TMEM14C: variants seen among roughly 807,000 people sequenced by gnomAD.
TMEM14C encodes transmembrane protein 14C.
A neutral mutation model predicts 14.8 loss-of-function variants in TMEM14C; 13 were observed. That is an observed-to-expected ratio of 0.88 (90% CI 0.57 to 1.40). The LOEUF (loss-of-function observed/expected upper bound fraction) is 1.40. Ranked by LOEUF, TMEM14C falls within the 40% of genes most tolerant of loss-of-function variation. The probability of loss-of-function intolerance (pLI) is 0.00; values close to 1 mark genes in which losing one functional copy is unlikely to be tolerated. For missense variants in TMEM14C, 142 were observed against 138.8 expected (o/e 1.02, Z -0.12); for synonymous variants, 57 against 51.3 (o/e 1.11, Z -0.48).
At chr6:10,724,820 C>G in intron 2 of TMEM14C, 141 bp from the exon 3 acceptor site, 3 of 1,335,796 alleles carry the variant, frequency 2.2e-6, no homozygotes, top group Non-Finnish European at 3.2e-6. Flanking sequence ...GTGTGACTCT[C>G]AGAAAGTCAT....
At position 10,725,048 on chromosome 6, in the gene TMEM14C, G is replaced by A; in HGVS notation, c.97+11G>A. 1 of 1,614,120 alleles carries A rather than the reference G, an allele frequency of 6.2e-7. No homozygotes were observed. Among genetic ancestry groups the A allele is most frequent in the Non-Finnish European group, 8.5e-7 (1 of 1,179,986 alleles). ...GCTATGTAAAAGCAGGTAGGGTTTT[G>A]TTGTTACTTAGCCTCTTAACATCTT... On this transcript the variant is annotated intron_variant, in intron 3 of 5. Coordinates refer to ENST00000229563, the MANE Select transcript of TMEM14C (RefSeq NM_016462.4).
In TMEM14C at chr6:10,730,595, A is replaced by C; in HGVS notation, c.288-20A>C. ...TTCTGTCCTTTACCTGACATTTTCT[A>C]TCTTGTTTCTTTTAAACAGTTTGCT... is the stretch of plus-strand genomic sequence containing the variant. On this transcript the variant is annotated intron_variant, in intron 5 of 5. Transcript: ENST00000229563. 6.2e-7 allele frequency: 1 copy of C among 1,610,974 alleles called. No individual in the cohort carries two copies. The highest frequency in any genetic ancestry group is 8.5e-7 in the Non-Finnish European group (1 of 1,178,058).
intron 1 of TMEM14C, among the ~76,000 whole-genome samples, chr6:10,723,549 A>G (rs536320537): frequency 6.6e-6 from 1 of 151,052 alleles, no homozygotes; most frequent in African/African-American, 2.4e-5. Flanking sequence ...ACTGTGGGCA[A>G]GATCCCAAGC....
chr6:10,727,555 G>T (rs1269129466), intron 4 of TMEM14C, among the ~76,000 whole-genome samples: 1 of 152,116 alleles, frequency 6.6e-6, no homozygotes, highest in Non-Finnish European at 1.5e-5. Context: ...GTCCAGGCTG[G>T]TCTGTAACTC....
In TMEM14C at chr6:10,724,601, A is replaced by T; in HGVS notation, c.-13A>T. Reference sequence around the variant, plus strand: ...GCCTGGGGTAGTCTCCTGTCTGGACAGAGAAGAGAAAAATGCAGGACACTG... The same window carrying T: ...GCCTGGGGTAGTCTCCTGTCTGGACTGAGAAGAGAAAAATGCAGGACACTG... On this transcript the variant is annotated 5_prime_UTR_variant, in exon 2 of 6. Transcript: ENST00000229563. 3 of 1,612,850 alleles carry T rather than the reference A, an allele frequency of 1.9e-6. No homozygotes were observed. Among genetic ancestry groups the T allele is most frequent in the African/African-American group, 2.7e-5 (2 of 75,038 alleles).
chr6:10,726,713 A>G (rs539777306), intron 4 of TMEM14C, among the ~76,000 whole-genome samples: 1 of 152,324 alleles, frequency 6.6e-6, no homozygotes, highest in South Asian at 2.1e-4. Context: ...ACATAGGCAT[A>G]GAAGCAGGAC....
intron 5 of TMEM14C, among the ~76,000 whole-genome samples, chr6:10,729,649 C>G (rs1010537594): frequency 6.6e-6 from 1 of 151,968 alleles, no homozygotes; most frequent in Non-Finnish European, 1.5e-5. Flanking sequence ...TGGTAGTGGG[C>G]ACTTGTAATC....
rs1343172367 is a variant in TMEM14C at position 10,725,937 on chromosome 6, T to C, written c.128T>C (p.Leu43Pro). ...GTGCCGTCCCTGGCTGCAGGGCTGC[T>C]CTTTGGCAGTCTAGCCGGCCTGGGT... The part of the protein sequence containing the change: ...GSVPSLAAGL[L>P]FGSLAGLGAY... Residue 43 changes from leucine to proline, a missense_variant, in exon 4 of 6, where the codon CTC (leucine) becomes CCC (proline). Coordinates refer to ENST00000229563, the MANE Select transcript of TMEM14C (RefSeq NM_016462.4). 6 of 1,613,932 alleles carry C rather than the reference T, an allele frequency of 3.7e-6. No homozygotes were observed. Among genetic ancestry groups the C allele is most frequent in the Non-Finnish European group, 5.1e-6 (6 of 1,180,014 alleles).
At chr6:10,730,476 G>T in intron 5 of TMEM14C, 139 bp from the exon 6 acceptor site, 1 of 709,502 alleles carries the variant, frequency 1.4e-6, no homozygotes. Flanking sequence ...TCCAGGGATG[G>T]AAATTTACCC....
In TMEM14C at chr6:10,728,672, AT is replaced by A; in HGVS notation, c.233del (p.Met78ArgfsTer14). On this transcript the variant is annotated frameshift_variant, in exon 5 of 6. Transcript: ENST00000229563. LOFTEE classifies it high-confidence loss of function. ...TSGTLAGIMGMRFYHSGKFMP... is the reference protein window; with the variant it reads ...TSGTLAGIMGXRFYHSGKFMP... The stretch of plus-strand genomic sequence containing the variant: ...TGGTACCTTGGCTGGCATTATGGGA[AT>A]GAGGTTCTACCACTCTGGAAAATTC... 6.2e-7 allele frequency: 1 copy of A among 1,614,190 alleles called. No homozygotes were observed. The highest frequency in any genetic ancestry group is 1.1e-5 in the South Asian group (1 of 91,086).
At chr6:10,730,098 A>T (rs545688164) in intron 5 of TMEM14C, among the ~76,000 whole-genome samples, 2 of 152,304 alleles carry the variant, frequency 1.3e-5, no homozygotes, top group South Asian at 4.1e-4. Flanking sequence ...GTGAGACTCC[A>T]TCTGAAAAAA....
intron 1 of TMEM14C, 53 bp from the exon 2 acceptor site, chr6:10,724,517 A>G (rs1243350695): frequency 1.6e-6 from 2 of 1,273,342 alleles, no homozygotes; most frequent in Non-Finnish European, 2.3e-6. Context: ...CTTCTTTCTG[A>G]CTGCTGGAGA....
In TMEM14C at chr6:10,723,112, C is replaced by G. The variant is rs1770729302; in HGVS notation, c.-174C>G. On this transcript the variant is annotated 5_prime_UTR_variant, in exon 1 of 6. Coordinates refer to ENST00000229563, the MANE Select transcript of TMEM14C (RefSeq NM_016462.4). ...CTCCCGGTACACTGCGCAGGCACAA[C>G]AGAGCCGCTCCCCTCTCCTCGCCCC... 1 of 152,348 alleles carries G rather than the reference C, an allele frequency of 6.6e-6. No individual in the cohort carries two copies. Among genetic ancestry groups the G allele is most frequent in the Non-Finnish European group, 1.5e-5 (1 of 68,106 alleles). The allele number at this position is 152,348 out of a possible 1,614,324, so 9.4% of individuals were successfully genotyped here.
In TMEM14C at chr6:10,724,999, TG is replaced by T; in HGVS notation, c.61del (p.Val21LeufsTer10). On this transcript the variant is annotated frameshift_variant, in exon 3 of 6. Coordinates refer to ENST00000229563, the MANE Select transcript of TMEM14C (RefSeq NM_016462.4). LOFTEE classifies it high-confidence loss of function. ...LHWFGFGYAA[L>X]VASGGIIGYV... ...TGGTTTGGCTTTGGCTACGCAGCACTGGTTGCTTCTGGTGGGATCATTGGCT... is the reference window on the plus strand; with the variant it reads ...TGGTTTGGCTTTGGCTACGCAGCACTGTTGCTTCTGGTGGGATCATTGGCT... The T allele has an allele frequency of 6.2e-7, 1 of 1,614,258 alleles. No individual in the cohort carries two copies. The highest frequency in any genetic ancestry group is 8.5e-7 in the Non-Finnish European group (1 of 1,180,042).
At chr6:10,724,930 T>C in intron 2 of TMEM14C, 31 bp from the exon 3 acceptor site, 1 of 1,613,402 alleles carries the variant, frequency 6.2e-7, no homozygotes, top group Non-Finnish European at 8.5e-7. Context: ...AAAGCCAGGT[T>C]AGCACTGACT....
At position 10,724,575 on chromosome 6, in the gene TMEM14C, G is replaced by GT; in HGVS notation, c.-39_-38insT. ...ATCCAGCTTGTTTTCTGCAGGTGCAGGCCTGGGGTAGTCTCCTGTCTGGAC... is the reference window on the plus strand; with the variant it reads ...ATCCAGCTTGTTTTCTGCAGGTGCAGTGCCTGGGGTAGTCTCCTGTCTGGAC... On this transcript the variant is annotated 5_prime_UTR_variant, in exon 2 of 6. Coordinates refer to ENST00000229563, the MANE Select transcript of TMEM14C (RefSeq NM_016462.4). 5 of 1,611,774 alleles carry GT rather than the reference G, an allele frequency of 3.1e-6. No homozygotes were observed. The highest frequency in any genetic ancestry group is 4.2e-6 in the Non-Finnish European group (5 of 1,178,664).
At position 10,728,745 on chromosome 6, in the gene TMEM14C, C is replaced by T. The variant is rs375504963; in HGVS notation, c.287+18C>T. The T allele has an allele frequency of 8.4e-5, 136 of 1,614,012 alleles. No individual in the cohort carries two copies. The highest frequency in any genetic ancestry group is 1.5e-4 in the Admixed American group (9 of 59,994). On this transcript the variant is annotated intron_variant, in intron 5 of 5. Transcript: ENST00000229563. ...GGTGCCAGGTACTTTCATTCTATTA[C>T]TCTTCTTTACCATGTAGAGTTCAGT...
At chr6:10,727,689 C>T (rs78889519) in intron 4 of TMEM14C, among the ~76,000 whole-genome samples, 10,437 of 151,922 alleles carry the variant, frequency 0.069, 682 homozygotes, top group African/African-American at 0.16. Context: ...GGCGTGGTGG[C>T]GGACGCCTGT....
chr6:10,725,545 C>G (rs945018714), intron 3 of TMEM14C, among the ~76,000 whole-genome samples: 1 of 152,148 alleles, frequency 6.6e-6, no homozygotes, highest in African/African-American at 2.4e-5. Flanking sequence ...ATCTCCTTCT[C>G]CTTTTGTGAT....
Sources: gnomAD v4.1 joint callset for allele counts (sites outside exome capture counted in the v4.1 genomes callset) on GRCh38, gnomAD v4.1.1 for gene constraint, MANE v1.5 for transcripts, NCBI Gene and HGNC (gene_info 2026-07-23, HGNC 2026-07-21) for gene names.